GUCY1A2: variants seen among roughly 807,000 people sequenced by gnomAD.
GUCY1A2 encodes the protein guanylate cyclase 1 soluble subunit alpha 2.
A neutral mutation model predicts 63.5 loss-of-function variants in GUCY1A2; 27 were observed. The ratio of observed to expected loss-of-function variants is 0.43; its 90% CI spans 0.31 to 0.59. The LOEUF is 0.59. GUCY1A2 is among the 20% of genes least tolerant of loss of function. The pLI is 0.11. For missense variants in GUCY1A2, 768 were observed against 913.3 expected (o/e 0.84, Z 2.05); for synonymous variants, 364 against 343.5 (o/e 1.06, Z -0.66).
chr11:106,729,724 T>A (rs1041092620), intron 6 of GUCY1A2, among the ~76,000 whole-genome samples: 1 of 152,116 alleles, frequency 6.6e-6, no homozygotes, highest in African/African-American at 2.4e-5. Flanking sequence ...CACAATTAAT[T>A]ATGCCAGGCT....
At position 106,896,019 on chromosome 11, in the gene GUCY1A2, A is replaced by AT. The variant is rs1308492347; in HGVS notation, c.1206+43440_1206+43441insA. On this transcript the variant is annotated intron_variant, in intron 4 of 7. Coordinates refer to ENST00000526355, the MANE Select transcript of GUCY1A2 (RefSeq NM_000855.3). Reference sequence around the variant, plus strand: ...GCAAGACTCTGTCTCAAAAAAAAAAAAAATATATATATATAGTATACATAT... The same window carrying AT: ...GCAAGACTCTGTCTCAAAAAAAAAAATAAATATATATATATAGTATACATAT... Among the ~76,000 whole-genome samples the AT allele has an allele frequency of 9.0e-3, 1,335 of 148,656 alleles. 5 individuals carry two copies. The highest frequency in any genetic ancestry group is 0.014 in the Middle Eastern group (4 of 278).
At chr11:106,813,660 G>A (rs1425303920) in intron 4 of GUCY1A2, among the ~76,000 whole-genome samples, 1 of 152,052 alleles carries the variant, frequency 6.6e-6, no homozygotes, top group African/African-American at 2.4e-5. Flanking sequence ...GGATTTGGAA[G>A]AAGTCAGGTC....
Position 106,978,690 on chromosome 11 carries a change from T to G in GUCY1A2, c.416A>C (p.Tyr139Ser). ...TTCTTCTTTGTTGGAGTGGTCTGCA[T>G]AGGAGCATCTGTTAGAGATATTGTG... ...NFHNISNRCS[Y>S]ADHSNKEEIE... The change falls in exon 3 of 8, where the codon TAT becomes TCT. Residue 139 changes from tyrosine (Y) to serine (S), a missense_variant. Coordinates refer to ENST00000526355, the MANE Select transcript of GUCY1A2 (RefSeq NM_000855.3). The G allele has an allele frequency of 6.3e-7, 1 of 1,586,926 alleles. No individual in the cohort carries two copies. Among genetic ancestry groups the G allele is most frequent in the Non-Finnish European group, 8.7e-7 (1 of 1,155,646 alleles).
At chr11:106,983,831 A>T (rs1861367441) in intron 2 of GUCY1A2, among the ~76,000 whole-genome samples, 3 of 152,314 alleles carry the variant, frequency 2.0e-5, no homozygotes, top group South Asian at 4.1e-4. Context: ...CTTACTCTCA[A>T]TTCTCAATAC....
chr11:106,949,815 G>A (rs553408674), intron 3 of GUCY1A2, among the ~76,000 whole-genome samples: 6 of 152,284 alleles, frequency 3.9e-5, no homozygotes, highest in East Asian at 1.9e-4. Flanking sequence ...GAGTTTTAGA[G>A]AAACTAAATG....
chr11:106,759,795 C>T (rs1452701494), intron 6 of GUCY1A2, among the ~76,000 whole-genome samples: 3 of 152,128 alleles, frequency 2.0e-5, no homozygotes, highest in South Asian at 2.1e-4. Context: ...ATTAGCCAGT[C>T]GTTGGGGCAG....
chr11:106,948,406 T>TA (rs1189863035), intron 3 of GUCY1A2, among the ~76,000 whole-genome samples: 2 of 152,090 alleles, frequency 1.3e-5, no homozygotes, highest in African/African-American at 4.8e-5. Flanking sequence ...TCAGCATAAA[T>TA]TATTACATTC....
chr11:106,965,178 G>A (rs1861111895), intron 3 of GUCY1A2, among the ~76,000 whole-genome samples: 1 of 151,904 alleles, frequency 6.6e-6, no homozygotes, highest in African/African-American at 2.4e-5. Context: ...GGTAAAAAGA[G>A]CGGTACTCCT....
chr11:106,986,114 C>G lies in GUCY1A2; in HGVS notation c.321G>C (p.Gln107His). The stretch of plus-strand genomic sequence containing the variant: ...AATACTGCAGTGTCCTCTTGAGAGT[C>G]TGCTGTATCGTCTGAGGCTACAGAA... The part of the protein sequence containing the change: ...LTAPSPQTIQ[Q>H]TLKRTLQYYE... Residue 107 changes from glutamine (Q) to histidine (H), a missense_variant, in exon 2 of 8, where the codon CAG (glutamine) becomes CAC (histidine). Gln to His is a conservative substitution (Grantham distance 24). Transcript: ENST00000526355. 1 of 1,493,704 alleles carries G rather than the reference C, an allele frequency of 6.7e-7. No individual in the cohort carries two copies. Among genetic ancestry groups the G allele is most frequent in the Non-Finnish European group, 9.3e-7 (1 of 1,070,444 alleles). 92.5% of individuals were successfully genotyped at this position (1,493,704 alleles called of 1,614,324 possible). A position where few individuals can be genotyped will look rare whatever the true frequency, so the allele number is the denominator to read the frequency against.
In GUCY1A2 at chr11:106,678,852, A is replaced by C. The variant is rs943978556; in HGVS notation, c.*8697T>G. On this transcript the variant is annotated 3_prime_UTR_variant, in exon 8 of 8. Transcript: ENST00000526355. ...TGCCAAATTTGCAAACCCTGGCTCA[A>C]TGCCACAATTTTTAAGTCTGTCATA... The C allele has an allele frequency of 1.6e-5, 3 of 190,286 alleles. No individual in the cohort carries two copies. Among genetic ancestry groups the C allele is most frequent in the Admixed American group, 6.2e-5 (1 of 16,176 alleles). The allele number at this position is 190,286 out of a possible 1,614,324, so 11.8% of individuals were successfully genotyped here.
chr11:106,732,424 T>A (rs1863521073), intron 6 of GUCY1A2, among the ~76,000 whole-genome samples: 1 of 152,130 alleles, frequency 6.6e-6, no homozygotes, highest in African/African-American at 2.4e-5. Context: ...TTTAAGTACA[T>A]AAAGTTAGCT....
intron 4 of GUCY1A2, among the ~76,000 whole-genome samples, chr11:106,930,150 A>G (rs2119939325): frequency 6.6e-6 from 1 of 152,338 alleles, no homozygotes; most frequent in South Asian, 2.1e-4. Flanking sequence ...ACAAGTAGTA[A>G]ACATATTTGT....
chr11:106,771,852 A>G lies in GUCY1A2; in HGVS notation c.1836+4587T>C, dbSNP rs1053342009. The stretch of plus-strand genomic sequence containing the variant: ...CATATTTTCAGCCAGCAGAAGAAAT[A>G]TCATATTGATCCAGGGTGAAAAAGT... On this transcript the variant is annotated intron_variant, in intron 6 of 7. Coordinates refer to ENST00000526355, the MANE Select transcript of GUCY1A2 (RefSeq NM_000855.3). Among the ~76,000 whole-genome samples, 5 of 152,334 alleles carry G rather than the reference A, an allele frequency of 3.3e-5. No individual in the cohort carries two copies. In the East Asian group the frequency reaches 7.7e-4, roughly 24 times the overall value.
chr11:106,868,873 T>C (rs187782595), intron 4 of GUCY1A2, among the ~76,000 whole-genome samples: 2,003 of 152,266 alleles, frequency 0.013, 43 homozygotes, highest in African/African-American at 0.045. Flanking sequence ...AAGGCTACAG[T>C]AACCAAAACA....
At chr11:106,763,346 G>T (rs754644776) in intron 6 of GUCY1A2, among the ~76,000 whole-genome samples, 6 of 152,016 alleles carry the variant, frequency 3.9e-5, no homozygotes, top group Non-Finnish European at 7.4e-5. Context: ...GTGGGGGGCA[G>T]TGAGAGATGG....
chr11:106,705,655 T>C (rs1862895320), intron 7 of GUCY1A2, among the ~76,000 whole-genome samples: 1 of 152,008 alleles, frequency 6.6e-6, no homozygotes, highest in Non-Finnish European at 1.5e-5. Flanking sequence ...GGTCAGGAGA[T>C]GGAGACCATC....
intron 3 of GUCY1A2, among the ~76,000 whole-genome samples, chr11:106,949,116 T>C (rs1170197544): frequency 6.6e-6 from 1 of 152,192 alleles, no homozygotes; most frequent in African/African-American, 2.4e-5. Flanking sequence ...TGTAAGTTCA[T>C]AATGCATCTC....
rs560005592 is a variant in GUCY1A2 at position 107,011,570 on chromosome 11, C to CAT, written c.303+6181_303+6182dup. Among the ~76,000 whole-genome samples the CAT allele has an allele frequency of 2.8e-5, 4 of 143,988 alleles. No individual in the cohort carries two copies. In the South Asian group the frequency reaches 8.6e-4, roughly 31 times the overall value. The allele number at this position is 143,988 out of a possible 152,430, so 94.5% of individuals were successfully genotyped here. ...TATAAATATATTTATAATATATACA[C>CAT]ATATATATTTATAATATATAAATAT... On this transcript the variant is annotated intron_variant, in intron 1 of 7. Transcript: ENST00000526355.
chr11:106,824,236 C>T (rs1263438508), intron 4 of GUCY1A2: 29 of 962,978 alleles, frequency 3.0e-5, no homozygotes, highest in African/African-American at 1.7e-5. Flanking sequence ...ATATTAAAGC[C>T]TATGGGATGC....
Sources: allele counts gnomAD v4.1 joint callset (sites outside exome capture counted in the v4.1 genomes callset), GRCh38; gene constraint gnomAD v4.1.1; transcripts MANE v1.5; gene names NCBI Gene and HGNC (gene_info 2026-07-23, HGNC 2026-07-21).